The following PRKCE variants were observed in gnomAD, a reference collection of about 807,000 sequenced individuals.
PRKCE encodes the protein protein kinase C epsilon, also known as protein kinase C epsilon type.
Under a neutral mutation model 85.4 loss-of-function variants are expected in PRKCE, and 16 were observed. The observed-to-expected ratio is 0.19, with a 90% CI of 0.13 to 0.28. The LOEUF is 0.28. Ranked by LOEUF, PRKCE falls within the 10% of genes least tolerant of loss-of-function variation. PRKCE has a pLI of 1.00. For synonymous variants in PRKCE, 388 were observed against 371.5 expected (o/e 1.04, Z -0.51); for missense variants, 573 against 975.2 (o/e 0.59, Z 5.49).
chr2:45,992,562 C>T (rs1703890361), intron 6 of PRKCE, among the ~76,000 whole-genome samples: 1 of 152,218 alleles, frequency 6.6e-6, no homozygotes, highest in Admixed American at 6.5e-5. Flanking sequence ...TGTCTCTGAG[C>T]TTGGCATGAC....
intron 1 of PRKCE, among the ~76,000 whole-genome samples, chr2:45,788,182 G>A (rs1334129936): frequency 2.0e-5 from 3 of 152,164 alleles, no homozygotes; most frequent in Non-Finnish European, 2.9e-5. Flanking sequence ...GTTGTTCTGG[G>A]TGACTGCAAT....
intron 13 of PRKCE, among the ~76,000 whole-genome samples, chr2:46,158,361 C>T (rs1414547266): frequency 6.6e-6 from 1 of 152,126 alleles, no homozygotes; most frequent in Non-Finnish European, 1.5e-5. Flanking sequence ...TGAGGAGCTC[C>T]TGTGTGCCAA....
intron 1 of PRKCE, among the ~76,000 whole-genome samples, chr2:45,831,363 T>C (rs1349249684): frequency 6.6e-6 from 1 of 152,196 alleles, no homozygotes; most frequent in African/African-American, 2.4e-5. Context: ...TTGTCAACCT[T>C]GATAGGTTAA....
At chr2:45,830,416 G>C (rs1379645502) in intron 1 of PRKCE, among the ~76,000 whole-genome samples, 1 of 152,182 alleles carries the variant, frequency 6.6e-6, no homozygotes, top group African/African-American at 2.4e-5. Context: ...GAAAATTTCA[G>C]AGGAAGAATT....
At chr2:45,696,354 T>A (rs1678150112) in intron 1 of PRKCE, among the ~76,000 whole-genome samples, 1 of 152,176 alleles carries the variant, frequency 6.6e-6, no homozygotes, top group South Asian at 2.1e-4. Context: ...TAAAGCCTTT[T>A]TTTATAATTA....
At chr2:45,956,136 T>C (rs557400557) in intron 2 of PRKCE, among the ~76,000 whole-genome samples, 8 of 152,348 alleles carry the variant, frequency 5.3e-5, no homozygotes, top group African/African-American at 1.7e-4. Flanking sequence ...TCATTGCTTG[T>C]GTCTGTAATT....
At chr2:45,742,052 T>G (rs1161176854) in intron 1 of PRKCE, among the ~76,000 whole-genome samples, 2 of 152,100 alleles carry the variant, frequency 1.3e-5, no homozygotes, top group Non-Finnish European at 2.9e-5. Flanking sequence ...TTCTTGGGAA[T>G]TTCTCGGATA....
chr2:45,853,540 T>C (rs1692442660), intron 2 of PRKCE, among the ~76,000 whole-genome samples: 1 of 152,192 alleles, frequency 6.6e-6, no homozygotes, highest in Non-Finnish European at 1.5e-5. Context: ...AACTTACCTC[T>C]ATGTGATCTC....
chr2:45,955,808 CAA>C (rs1260454017), intron 2 of PRKCE, among the ~76,000 whole-genome samples: 13 of 151,106 alleles, frequency 8.6e-5, no homozygotes, highest in African/African-American at 2.9e-4. Flanking sequence ...AAAAAAAAAA[CAA>C]AGTGTCATTT....
chr2:45,958,806 ATATATATATATTTTTTTTTTTT>A (rs1179952828), intron 2 of PRKCE, among the ~76,000 whole-genome samples: 33 of 22,518 alleles, frequency 1.5e-3, no homozygotes, highest in African/African-American at 5.6e-3. Context: ...ATATATATAT[ATATATATATATTTTTTTTTTTT>A]TTTTTTTTTT....
chr2:46,014,250 G>A (rs1307268188), intron 10 of PRKCE, among the ~76,000 whole-genome samples: 1 of 152,130 alleles, frequency 6.6e-6, no homozygotes, highest in African/African-American at 2.4e-5. Context: ...ACCATGTAGG[G>A]AATTCTACCA....
At chr2:46,095,052 T>G (rs1191462316) in intron 11 of PRKCE, among the ~76,000 whole-genome samples, 1 of 152,234 alleles carries the variant, frequency 6.6e-6, no homozygotes, top group Non-Finnish European at 1.5e-5. Context: ...TTTAGAAAAT[T>G]AAGCCCTTCA....
At chr2:45,960,325 C>T (rs1348970088) in intron 2 of PRKCE, among the ~76,000 whole-genome samples, 3 of 152,132 alleles carry the variant, frequency 2.0e-5, no homozygotes, top group East Asian at 1.9e-4. Flanking sequence ...TGATACTAAT[C>T]GTGTAGAATC....
rs1292494599 is a variant in PRKCE at position 46,187,776 on chromosome 2, G to A, written c.*2895G>A. The A allele has an allele frequency of 6.8e-6, 1 of 147,928 alleles. No homozygotes were observed. Among genetic ancestry groups the A allele is most frequent in the Non-Finnish European group, 1.5e-5 (1 of 67,306 alleles). The allele number at this position is 147,928 out of a possible 1,614,324, so 9.2% of individuals were successfully genotyped here. On this transcript the variant is annotated 3_prime_UTR_variant, in exon 15 of 15. Transcript: ENST00000306156. ...TTAAATTATGTGCAAAATAATTCTGGCTAACTGTAAAATGTATTCAATTTT... is the reference window on the plus strand; with the variant it reads ...TTAAATTATGTGCAAAATAATTCTGACTAACTGTAAAATGTATTCAATTTT...
intron 2 of PRKCE, among the ~76,000 whole-genome samples, chr2:45,922,832 C>T (rs943565781): frequency 6.6e-6 from 1 of 152,210 alleles, no homozygotes; most frequent in Non-Finnish European, 1.5e-5. Flanking sequence ...GCTTAAACGC[C>T]TAAGAACCAT....
intron 1 of PRKCE, chr2:45,677,923 G>C: frequency 2.0e-6 from 2 of 983,314 alleles, no homozygotes; most frequent in African/African-American, 1.7e-5. Flanking sequence ...ACCGGTAGGA[G>C]CATATCAGTA....
At chr2:45,659,137 C>T (rs648359) in intron 1 of PRKCE, among the ~76,000 whole-genome samples, 106,460 of 151,918 alleles carry the variant, frequency 0.7, 37,317 homozygotes, top group Admixed American at 0.76. Context: ...CCTTCAGGTC[C>T]TCAGCTTTCA....
chr2:45,972,296 C>T (rs772164027), intron 2 of PRKCE, among the ~76,000 whole-genome samples: 1 of 152,108 alleles, frequency 6.6e-6, no homozygotes, highest in Non-Finnish European at 1.5e-5. Context: ...GTTCTTTTGC[C>T]TGTTTTTAAA....
chr2:46,019,359 G>A (rs1189737874), intron 10 of PRKCE, among the ~76,000 whole-genome samples: 1 of 152,148 alleles, frequency 6.6e-6, no homozygotes, highest in Non-Finnish European at 1.5e-5. Context: ...GCGTGAGTGT[G>A]CCCTGCCATG....
Sources: gnomAD v4.1 joint callset for allele counts (sites outside exome capture counted in the v4.1 genomes callset) on GRCh38, gnomAD v4.1.1 for gene constraint, MANE v1.5 for transcripts, NCBI Gene and HGNC (gene_info 2026-07-23, HGNC 2026-07-21) for gene names.